Variants in SMIM35 observed in about 807,000 individuals in gnomAD.
The protein encoded by SMIM35 is TMPRSS4 antisense RNA 1 (non-protein coding).
At chr11:118,083,368 A>T (rs1945303515) in intron 1 of SMIM35, among the ~76,000 whole-genome samples, 2 of 152,142 alleles carry the variant, frequency 1.3e-5, no homozygotes, top group African/African-American at 2.4e-5. Flanking sequence ...GAGTTCACAC[A>T]GGTCACACGA....
At chr11:118,081,421 C>G (rs776473819) in intron 1 of SMIM35, among the ~76,000 whole-genome samples, 1 of 152,216 alleles carries the variant, frequency 6.6e-6, no homozygotes, top group Non-Finnish European at 1.5e-5. Context: ...ACCAGCACGT[C>G]GGCAGCTGAG....
chr11:118,037,267 C>T (rs1313773087), intron 1 of SMIM35, among the ~76,000 whole-genome samples: 1 of 152,200 alleles, frequency 6.6e-6, no homozygotes, highest in Non-Finnish European at 1.5e-5. Context: ...GCTAGCAGGC[C>T]GGTCCAGGGG....
intron 1 of SMIM35, chr11:118,031,925 G>A (rs1436055883): frequency 6.6e-6 from 1 of 151,838 alleles, no homozygotes; most frequent in Non-Finnish European, 1.5e-5. Flanking sequence ...ATCTCTTGAG[G>A]CCAGGAGTCC....
intron 1 of SMIM35, among the ~76,000 whole-genome samples, chr11:118,022,166 T>A (rs1279542580): frequency 2.0e-5 from 3 of 150,842 alleles, no homozygotes; most frequent in Non-Finnish European, 2.9e-5. Flanking sequence ...TTCTCCTGCC[T>A]CAGCCTCCCG....
At chr11:118,070,430 GCCTC>G (rs1176779859) in intron 1 of SMIM35, among the ~76,000 whole-genome samples, 1 of 152,182 alleles carries the variant, frequency 6.6e-6, no homozygotes, top group African/African-American at 2.4e-5. Flanking sequence ...ATCTGCCTCG[GCCTC>G]CCAAAGTGCC....
At chr11:118,053,652 A>G (rs1944259387) in intron 1 of SMIM35, among the ~76,000 whole-genome samples, 1 of 152,208 alleles carries the variant, frequency 6.6e-6, no homozygotes, top group African/African-American at 2.4e-5. Context: ...GACATCCAGC[A>G]TAGCTCTTTA....
chr11:118,033,615 G>T (rs2058336150), intron 1 of SMIM35, among the ~76,000 whole-genome samples: 1 of 152,178 alleles, frequency 6.6e-6, no homozygotes, highest in African/African-American at 2.4e-5. Context: ...ACATGGAAGG[G>T]TGAACGCAGA....
At chr11:118,055,355 C>T (rs1177567122) in intron 1 of SMIM35, among the ~76,000 whole-genome samples, 1 of 152,218 alleles carries the variant, frequency 6.6e-6, no homozygotes, top group South Asian at 2.1e-4. Context: ...GGAAGTCATG[C>T]GCTATTCCTG....
intron 1 of SMIM35, among the ~76,000 whole-genome samples, chr11:118,083,294 A>T (rs1376491503): frequency 6.6e-6 from 1 of 152,218 alleles, no homozygotes; most frequent in Non-Finnish European, 1.5e-5. Flanking sequence ...CACACACTTG[A>T]AGCTTTCATG....
At chr11:118,035,066 CT>C (rs1238659868) in intron 1 of SMIM35, among the ~76,000 whole-genome samples, 2 of 151,916 alleles carry the variant, frequency 1.3e-5, no homozygotes, top group African/African-American at 2.4e-5. Flanking sequence ...ATTCTGGTGC[CT>C]CCGCCTCCTG....
intron 1 of SMIM35, among the ~76,000 whole-genome samples, chr11:118,061,016 G>A (rs919702220): frequency 3.3e-5 from 5 of 152,230 alleles, no homozygotes; most frequent in African/African-American, 4.8e-5. Context: ...AGTGGGAGGC[G>A]TCCAGGCCAG....
chr11:118,015,090 T>G (rs917836425), intron 2 of SMIM35, among the ~76,000 whole-genome samples: 5 of 152,228 alleles, frequency 3.3e-5, no homozygotes, highest in African/African-American at 1.2e-4. Context: ...AAAATCATAT[T>G]AGACAAAAGT....
At chr11:118,062,614 G>T (rs1485921236) in intron 1 of SMIM35, among the ~76,000 whole-genome samples, 2 of 152,120 alleles carry the variant, frequency 1.3e-5, no homozygotes, top group African/African-American at 4.8e-5. Context: ...AGGAACCCAG[G>T]ACAAGGGCTT....
At chr11:118,069,493 G>A (rs987959142) in intron 1 of SMIM35, among the ~76,000 whole-genome samples, 2 of 152,112 alleles carry the variant, frequency 1.3e-5, no homozygotes, top group Admixed American at 6.5e-5. Flanking sequence ...CACACCTTTC[G>A]TTTGCCAGTC....
chr11:118,044,108 C>T (rs765546331), intron 1 of SMIM35, among the ~76,000 whole-genome samples: 2 of 151,922 alleles, frequency 1.3e-5, no homozygotes, highest in Non-Finnish European at 2.9e-5. Flanking sequence ...GAAGGAGTTC[C>T]TAAATCCTTA....
chr11:118,064,252 T>C (rs890097438), intron 1 of SMIM35, among the ~76,000 whole-genome samples: 3 of 152,218 alleles, frequency 2.0e-5, no homozygotes, highest in African/African-American at 7.2e-5. Context: ...TTGAGTTTTT[T>C]CCTAACACAC....
At chr11:118,009,178 G>A (rs1034862574) in intron 4 of SMIM35, among the ~76,000 whole-genome samples, 1 of 152,122 alleles carries the variant, frequency 6.6e-6, no homozygotes, top group Admixed American at 6.6e-5. Context: ...GCCTGGGGAG[G>A]ACTGGGCTCC....
chr11:118,049,122 G>A (rs573473236), intron 1 of SMIM35, among the ~76,000 whole-genome samples: 1 of 152,092 alleles, frequency 6.6e-6, no homozygotes, highest in African/African-American at 2.4e-5. Flanking sequence ...CAGGGGTCAG[G>A]GATCTTTTCC....
At chr11:118,040,066 A>G (rs1277592524) in intron 1 of SMIM35, among the ~76,000 whole-genome samples, 1 of 137,906 alleles carries the variant, frequency 7.3e-6, no homozygotes, top group Non-Finnish European at 1.6e-5. Context: ...AAAAAAAAAA[A>G]TCAGCCGGGC....
Sources: gnomAD v4.1 joint callset for allele counts (sites outside exome capture counted in the v4.1 genomes callset) on GRCh38, gnomAD v4.1.1 for gene constraint, MANE v1.5 for transcripts, NCBI Gene and HGNC (gene_info 2026-07-23, HGNC 2026-07-21) for gene names.